BZW2: variants seen among roughly 807,000 people sequenced by gnomAD.
BZW2 encodes eIF5-mimic protein 1.
A neutral mutation model predicts 53.2 loss-of-function variants in BZW2; 23 were observed. The ratio of observed to expected loss-of-function variants is 0.43; its 90% CI spans 0.31 to 0.61. The LOEUF (loss-of-function observed/expected upper bound fraction) is 0.61. Ranked by LOEUF, BZW2 falls within the 20% of genes least tolerant of loss-of-function variation. BZW2 has a pLI of 0.09. For missense variants in BZW2, 409 were observed against 503.1 expected (o/e 0.81, Z 1.79); for synonymous variants, 227 against 186.4 (o/e 1.22, Z -1.77).
intron 4 of BZW2, among the ~76,000 whole-genome samples, chr7:16,682,189 G>A (rs1233701074): frequency 6.6e-6 from 1 of 152,116 alleles, no homozygotes; most frequent in East Asian, 1.9e-4. Context: ...CATTTCCACA[G>A]TTATTAAAAT....
chr7:16,686,311 T>G (rs1783124169), intron 6 of BZW2: 2 of 370,146 alleles, frequency 5.4e-6, no homozygotes, highest in East Asian at 5.8e-5. Context: ...GAAGACTTGA[T>G]GCCTAGGTCA....
intron 1 of BZW2, among the ~76,000 whole-genome samples, chr7:16,651,055 A>G (rs1447254464): frequency 6.6e-6 from 1 of 152,228 alleles, no homozygotes; most frequent in African/African-American, 2.4e-5. Flanking sequence ...AAGTATAATG[A>G]CAAAAAGAAA....
chr7:16,653,050 G>A (rs754293559), intron 1 of BZW2, among the ~76,000 whole-genome samples: 2 of 152,070 alleles, frequency 1.3e-5, no homozygotes, highest in East Asian at 1.9e-4. Flanking sequence ...GTGTGTGTGT[G>A]TGTGTGTAGC....
At position 16,668,528 on chromosome 7, in the gene BZW2, T is replaced by C. The variant is rs139536973; in HGVS notation, c.58+3027T>C. 7.6e-3 allele frequency among the ~76,000 whole-genome samples: 1,153 copies of C among 152,304 alleles called. 13 individuals are homozygous for C. Among genetic ancestry groups the C allele is most frequent in the Non-Finnish European group, 8.8e-3 (600 of 68,026 alleles). ...CAACTTCATTTTCTGCTCTTCTTAG[T>C]AGTGAAACGCCTCCTGATGATTTCT... On this transcript the variant is annotated intron_variant, in intron 2 of 11. Coordinates refer to ENST00000258761, the MANE Select transcript of BZW2 (RefSeq NM_014038.3).
chr7:16,703,664 T>G (rs1180413558), intron 10 of BZW2, among the ~76,000 whole-genome samples: 1 of 152,154 alleles, frequency 6.6e-6, no homozygotes, highest in Non-Finnish European at 1.5e-5. Flanking sequence ...AACAACCCAT[T>G]AGAACATTGG....
intron 1 of BZW2, among the ~76,000 whole-genome samples, chr7:16,659,507 A>G (rs1392267361): frequency 6.6e-6 from 1 of 152,192 alleles, no homozygotes; most frequent in Non-Finnish European, 1.5e-5. Context: ...GGAGAGAATG[A>G]TAATACAATG....
intron 8 of BZW2, chr7:16,695,908 C>T (rs1188885104): frequency 6.6e-6 from 1 of 152,150 alleles, no homozygotes; most frequent in Non-Finnish European, 1.5e-5. Context: ...TTTCTCCAAG[C>T]AAGAATTTGT....
chr7:16,676,131 C>T (rs1223559117), intron 3 of BZW2, among the ~76,000 whole-genome samples: 1 of 152,176 alleles, frequency 6.6e-6, no homozygotes, highest in Non-Finnish European at 1.5e-5. Flanking sequence ...GACTGGGTGA[C>T]ATTATGCAAA....
intron 7 of BZW2, among the ~76,000 whole-genome samples, chr7:16,690,154 G>A (rs540342733): frequency 2.6e-5 from 4 of 151,832 alleles, no homozygotes; most frequent in African/African-American, 7.2e-5. Context: ...TGTTGACATA[G>A]TATTAACATT....
At chr7:16,676,123 C>A (rs1238766242) in intron 3 of BZW2, among the ~76,000 whole-genome samples, 1 of 152,162 alleles carries the variant, frequency 6.6e-6, no homozygotes, top group Non-Finnish European at 1.5e-5. Flanking sequence ...AATTTTGAGA[C>A]TGGGTGACAT....
At chr7:16,704,735 C>T in intron 11 of BZW2, 66 bp downstream of exon 11, 4 of 1,374,630 alleles carry the variant, frequency 2.9e-6, no homozygotes, top group Non-Finnish European at 2.9e-6. Flanking sequence ...AAAATATTTA[C>T]CTCTTCCACA....
chr7:16,695,071 C>A, intron 8 of BZW2, 67 bp downstream of exon 8: 1 of 1,395,398 alleles, frequency 7.2e-7, no homozygotes, highest in Non-Finnish European at 9.5e-7. Context: ...GGCTGTGTAG[C>A]AAAGGCTTTC....
At chr7:16,690,026 T>A in intron 7 of BZW2, 120 bp downstream of exon 7, 1 of 573,552 alleles carries the variant, frequency 1.7e-6, no homozygotes, top group East Asian at 3.3e-5. Flanking sequence ...GCACTGTTCC[T>A]TTTATTTCTG....
chr7:16,701,441 T>C (rs1258428110), intron 10 of BZW2, among the ~76,000 whole-genome samples: 1 of 152,162 alleles, frequency 6.6e-6, no homozygotes, highest in Non-Finnish European at 1.5e-5. Flanking sequence ...TTTATTCTAG[T>C]TCTAAAAAAG....
At chr7:16,661,105 G>A (rs1361342747) in intron 1 of BZW2, 2 of 152,054 alleles carry the variant, frequency 1.3e-5, no homozygotes, top group South Asian at 2.1e-4. Context: ...CATATGCATA[G>A]CACATGTTAG....
intron 1 of BZW2, among the ~76,000 whole-genome samples, chr7:16,649,298 T>G: frequency 6.6e-6 from 1 of 152,228 alleles, no homozygotes; most frequent in South Asian, 2.1e-4. Flanking sequence ...ACAAGCTGAG[T>G]TGAATTCAGT....
intron 2 of BZW2, among the ~76,000 whole-genome samples, chr7:16,668,276 G>A (rs1238242348): frequency 6.6e-6 from 1 of 152,136 alleles, no homozygotes; most frequent in Non-Finnish European, 1.5e-5. Flanking sequence ...TGGCCCTTAC[G>A]TTTGTCTTCA....
intron 11 of BZW2, 58 bp from the exon 12 acceptor site, chr7:16,706,002 T>A (rs1175865965): frequency 6.2e-7 from 1 of 1,604,026 alleles, no homozygotes; most frequent in African/African-American, 1.3e-5. Flanking sequence ...TGTAGTAACT[T>A]TTGACCTTAA....
chr7:16,681,858 T>C (rs1782956160), intron 4 of BZW2, among the ~76,000 whole-genome samples: 1 of 152,124 alleles, frequency 6.6e-6, no homozygotes. Context: ...TACAAGAATA[T>C]AATGCTTTTT....
Sources: gnomAD v4.1 joint callset for allele counts (sites outside exome capture counted in the v4.1 genomes callset) on GRCh38, gnomAD v4.1.1 for gene constraint, MANE v1.5 for transcripts, NCBI Gene and HGNC (gene_info 2026-07-23, HGNC 2026-07-21) for gene names.